ELAVL2: variants seen among roughly 807,000 people sequenced by gnomAD.
ELAVL2 encodes the protein ELAV like RNA binding protein 2.
ELAVL2 carries 4 observed loss-of-function variants against 34.6 expected under a neutral mutation model. That is an observed-to-expected ratio of 0.12 (90% CI 0.06 to 0.26). The LOEUF is 0.26. Ranked by LOEUF, ELAVL2 falls within the 10% of genes least tolerant of loss-of-function variation. The pLI is 1.00. For missense variants in ELAVL2, 432 were observed against 442.8 expected (o/e 0.98, Z 0.22); for synonymous variants, 193 against 154.8 (o/e 1.25, Z -1.83).
At chr9:23,738,216 T>C (rs1047724218) in intron 2 of ELAVL2, among the ~76,000 whole-genome samples, 3 of 152,194 alleles carry the variant, frequency 2.0e-5, no homozygotes, top group African/African-American at 7.2e-5. Flanking sequence ...AGCAAAACCA[T>C]GTGGGTACCA....
At chr9:23,696,379 T>C (rs902269837) in intron 5 of ELAVL2, among the ~76,000 whole-genome samples, 3 of 152,128 alleles carry the variant, frequency 2.0e-5, no homozygotes, top group African/African-American at 4.8e-5. Context: ...TAAGAGAAAA[T>C]AGTGCAGCAG....
chr9:23,815,384 A>G (rs944449968), intron 1 of ELAVL2, among the ~76,000 whole-genome samples: 6 of 152,216 alleles, frequency 3.9e-5, no homozygotes, highest in East Asian at 3.8e-4. Flanking sequence ...TGAAATGTCC[A>G]AAGTCACAAT....
intron 2 of ELAVL2, among the ~76,000 whole-genome samples, chr9:23,731,997 C>T (rs1218641176): frequency 6.6e-6 from 1 of 152,098 alleles, no homozygotes; most frequent in Non-Finnish European, 1.5e-5. Flanking sequence ...TAAAGTCAAT[C>T]GCAATGGTCT....
At chr9:23,693,920 A>G (rs1329027) in intron 5 of ELAVL2, among the ~76,000 whole-genome samples, 12,878 of 152,220 alleles carry the variant, frequency 0.085, 1,808 homozygotes, top group African/African-American at 0.29. Flanking sequence ...CCACAGGGCT[A>G]GTAAATTATG....
intron 2 of ELAVL2, among the ~76,000 whole-genome samples, chr9:23,758,118 T>C (rs1309832092): frequency 6.6e-6 from 1 of 151,780 alleles, no homozygotes; most frequent in African/African-American, 2.4e-5. Flanking sequence ...TCCCAGGAGG[T>C]AGAATAAGCT....
intron 1 of ELAVL2, among the ~76,000 whole-genome samples, chr9:23,802,560 A>G (rs536859350): frequency 5.3e-5 from 8 of 152,102 alleles, no homozygotes; most frequent in Non-Finnish European, 8.8e-5. Context: ...AAGTTTTAAG[A>G]CTCAGATGGG....
chr9:23,771,827 C>T (rs2057356781), intron 1 of ELAVL2, among the ~76,000 whole-genome samples: 1 of 152,130 alleles, frequency 6.6e-6, no homozygotes, highest in Non-Finnish European at 1.5e-5. Context: ...TCAACAGGGT[C>T]ATTTATATAC....
chr9:23,845,743 C>G, the ELAVL2 span, among the ~76,000 whole-genome samples: 2 of 151,208 alleles, frequency 1.3e-5, no homozygotes, highest in Non-Finnish European at 3.0e-5. Context: ...ATTCACTTAA[C>G]AAGATCATTA....
chr9:23,776,007 C>T (rs2058129761), intron 1 of ELAVL2, among the ~76,000 whole-genome samples: 2 of 152,140 alleles, frequency 1.3e-5, no homozygotes, highest in East Asian at 1.9e-4. Context: ...AGAATGAATG[C>T]CATGAATTGT....
intron 1 of ELAVL2, chr9:23,765,190 T>C (rs1001937181): frequency 2.7e-5 from 32 of 1,192,570 alleles, no homozygotes; most frequent in Non-Finnish European, 3.3e-5. Flanking sequence ...ATTGTATTGA[T>C]ATTCCCAGCA....
intron 3 of ELAVL2, among the ~76,000 whole-genome samples, chr9:23,718,481 G>C (rs2042865394): frequency 6.6e-6 from 1 of 152,100 alleles, no homozygotes; most frequent in Non-Finnish European, 1.5e-5. Context: ...AACTGTACCA[G>C]TTTTTTAAAA....
upstream of ELAVL2, among the ~76,000 whole-genome samples, chr9:23,828,033 T>G (rs182647429): frequency 1.3e-5 from 2 of 152,098 alleles, no homozygotes; most frequent in East Asian, 1.9e-4. Flanking sequence ...TAGACCTGGG[T>G]GAAACTCACA....
chr9:23,706,740 C>G (rs551198045), intron 3 of ELAVL2, among the ~76,000 whole-genome samples: 1 of 152,186 alleles, frequency 6.6e-6, no homozygotes, highest in Non-Finnish European at 1.5e-5. Flanking sequence ...CAGTTAACAA[C>G]AAACTTTCCC....
intron 2 of ELAVL2, among the ~76,000 whole-genome samples, chr9:23,733,626 A>G (rs568156394): frequency 3.9e-4 from 59 of 152,216 alleles, no homozygotes; most frequent in African/African-American, 1.3e-3. Context: ...TGGCCTCCTG[A>G]GGTCTGTCTG....
chr9:23,729,913 T>C (rs192554871), intron 3 of ELAVL2, among the ~76,000 whole-genome samples: 1 of 152,212 alleles, frequency 6.6e-6, no homozygotes, highest in African/African-American at 2.4e-5. Context: ...TACACAAGTC[T>C]CTAAGCAAGA....
At chr9:23,733,475 G>T (rs2047099916) in intron 2 of ELAVL2, among the ~76,000 whole-genome samples, 1 of 152,166 alleles carries the variant, frequency 6.6e-6, no homozygotes, top group African/African-American at 2.4e-5. Context: ...AACCTAGCTG[G>T]GGCTACAACG....
intron 1 of ELAVL2, among the ~76,000 whole-genome samples, chr9:23,784,194 G>A (rs180911759): frequency 1.3e-5 from 2 of 150,812 alleles, no homozygotes; most frequent in Admixed American, 6.6e-5. Context: ...GCAAGACTCC[G>A]TCTCAAAAAA....
chr9:23,757,704 G>C (rs1340150205), intron 2 of ELAVL2, among the ~76,000 whole-genome samples: 2 of 152,002 alleles, frequency 1.3e-5, no homozygotes, highest in East Asian at 3.9e-4. Flanking sequence ...ATAGGAAACA[G>C]GCTGAAGCAT....
chr9:23,816,714 C>T (rs1251881447), intron 1 of ELAVL2, among the ~76,000 whole-genome samples: 1 of 151,984 alleles, frequency 6.6e-6, no homozygotes, highest in Non-Finnish European at 1.5e-5. Flanking sequence ...GAGACTCTCT[C>T]GATATAGGGC....
Sources: allele counts gnomAD v4.1 joint callset (sites outside exome capture counted in the v4.1 genomes callset), GRCh38; gene constraint gnomAD v4.1.1; transcripts MANE v1.5; gene names NCBI Gene and HGNC (gene_info 2026-07-23, HGNC 2026-07-21).